Variants in PLEKHN1 observed in about 807,000 individuals in gnomAD.
PLEKHN1 encodes pleckstrin homology domain containing N1.
PLEKHN1 carries 68 observed loss-of-function variants against 72.8 expected under a neutral mutation model. The observed-to-expected ratio is 0.93, with a 90% CI of 0.77 to 1.14. The LOEUF (loss-of-function observed/expected upper bound fraction) is 1.14, where lower values mean the gene tolerates loss of function less well. Among genes scored for constraint, PLEKHN1 ranks in the 50% most tolerant of loss-of-function variants. The pLI, the probability that PLEKHN1 is intolerant of heterozygous loss-of-function variation, is 0.00. For synonymous variants in PLEKHN1, 454 were observed against 371.6 expected (o/e 1.22, Z -2.55); for missense variants, 1,015 against 840.5 (o/e 1.21, Z -2.57).
chr1:970,796 T>A lies in PLEKHN1; in HGVS notation c.484+38T>A. 1.9e-6 allele frequency: 3 copies of A among 1,612,724 alleles called. No individual in the cohort carries two copies. Among genetic ancestry groups the A allele is most frequent in the Non-Finnish European group, 2.5e-6 (3 of 1,179,928 alleles). On this transcript the variant is annotated intron_variant, in intron 5 of 15. Transcript: ENST00000379410. The surrounding 1 kb of genome is among the most constrained non-coding windows in gnomAD (Gnocchi z 4.2). ...CTTCCCGGGCCCCCAGAGGCACTCCTGACCCAGGACTTGGAGAGGGGCCTG... is the reference window on the plus strand; with the variant it reads ...CTTCCCGGGCCCCCAGAGGCACTCCAGACCCAGGACTTGGAGAGGGGCCTG...
chr1:973,709 C>G (rs534309825), intron 13 of PLEKHN1, 69 bp downstream of exon 13: 1 of 1,581,592 alleles, frequency 6.3e-7, no homozygotes, highest in Non-Finnish European at 8.6e-7. Flanking sequence ...AGGTCTAGAC[C>G]GTGCGTCTCA....
Position 970,662 on chromosome 1 carries a change from C to T in PLEKHN1, c.412-24C>T. 1.9e-6 allele frequency: 3 copies of T among 1,599,360 alleles called. No homozygotes were observed. Among genetic ancestry groups the T allele is most frequent in the African/African-American group, 1.3e-5 (1 of 74,900 alleles). ...CCCTTCCCTCCATGGATCCCTGAAG[C>T]TCCTCCTACCCTGTGCCTGGCAGGG... On this transcript the variant is annotated intron_variant, in intron 4 of 15. Coordinates refer to ENST00000379410, the MANE Select transcript of PLEKHN1 (RefSeq NM_032129.3). The surrounding 1 kb of genome is among the most constrained non-coding windows in gnomAD (Gnocchi z 4.2).
In PLEKHN1 at chr1:974,027, G is replaced by A. The variant is rs774107629; in HGVS notation, c.1629G>A (p.Pro543=). 8.0e-5 allele frequency: 127 copies of A among 1,594,478 alleles called. 1 individual carries two copies. The highest frequency in any genetic ancestry group is 5.5e-4 in the Admixed American group (32 of 57,938). Residue 543 remains proline, a synonymous_variant, in exon 14 of 16, where the codon CCG becomes CCA. Transcript: ENST00000379410. ...RHRGSAKDGG[P]QPPDAPQLVS... is the part of the protein sequence containing the mutation. ...GGGGCTCAGCCAAGGATGGGGGGCC[G>A]CAGCCCCCAGACGCCCCTCAGCTTG...
chr1:971,008 T>C lies in PLEKHN1; in HGVS notation c.612+2T>C. On this transcript the variant is annotated splice_donor_variant, in intron 6 of 15. Coordinates refer to ENST00000379410, the MANE Select transcript of PLEKHN1 (RefSeq NM_032129.3). LOFTEE classifies it high-confidence loss of function. Reference sequence around the variant, plus strand: ...CGCTGCCACTCGGCACCCCCACAGGTCAGTGCCGGGGACCCCACCCCCCTC... The same window carrying C: ...CGCTGCCACTCGGCACCCCCACAGGCCAGTGCCGGGGACCCCACCCCCCTC... 2 of 1,600,812 alleles carry C rather than the reference T, an allele frequency of 1.2e-6. No individual in the cohort carries two copies. Among genetic ancestry groups the C allele is most frequent in the Non-Finnish European group, 1.7e-6 (2 of 1,174,368 alleles).
Position 966,743 on chromosome 1 carries a change from C to T in PLEKHN1, c.123C>T (p.Pro41=), listed in dbSNP as rs1016210250. Residue 41 remains proline (P), a synonymous_variant, in exon 2 of 16, where the codon CCC becomes CCT. Coordinates refer to ENST00000379410, the MANE Select transcript of PLEKHN1 (RefSeq NM_032129.3). The stretch of plus-strand genomic sequence containing the variant: ...GGATGTCGGCCGGCCTGCCGGGCCC[C>T]GAGGCTGCTCGAAGCGGGGACGCCG... ...SARMSAGLPG[P]EAARSGDAAA... is the part of the protein sequence containing the mutation. 7.6e-6 allele frequency: 12 copies of T among 1,574,886 alleles called. No homozygotes were observed. The Admixed American group carries it at 9.1e-5, about 12-fold the overall frequency.
rs1178989138 is a variant in PLEKHN1, at chr1:975,154, G to A, written c.*579G>A. On this transcript the variant is annotated 3_prime_UTR_variant, in exon 16 of 16. Transcript: ENST00000379410. ...AGAGAGAAAAGAAGAGAAGAGAGAA[G>A]AGAAGAGAAGGAAAGAGAGAGAGAG... 6.6e-6 allele frequency: 1 copy of A among 152,180 alleles called. No homozygotes were observed. The highest frequency in any genetic ancestry group is 1.5e-5 in the Non-Finnish European group (1 of 68,252). The allele number at this position is 152,180 out of a possible 1,614,324, so 9.4% of individuals were successfully genotyped here.
chr1:974,714 CGTCCCT>C lies in PLEKHN1; in HGVS notation c.*140_*145del. On this transcript the variant is annotated 3_prime_UTR_variant, in exon 16 of 16. Coordinates refer to ENST00000379410, the MANE Select transcript of PLEKHN1 (RefSeq NM_032129.3). The stretch of plus-strand genomic sequence containing the variant: ...TCTCTGGGGCCCTGAGTTCAGAGCC[CGTCCCT>C]CAGCTCCTGTTCCTTGGTGCCAGCA... 9.6e-7 allele frequency: 1 copy of C among 1,041,662 alleles called. No homozygotes were observed. Among genetic ancestry groups the C allele is most frequent in the Non-Finnish European group, 1.3e-6 (1 of 749,520 alleles). 64.5% of individuals were successfully genotyped at this position (1,041,662 alleles called of 1,614,324 possible).
intron 11 of PLEKHN1, 44 bp from the exon 12 acceptor site, chr1:973,142 G>A: frequency 1.4e-5 from 21 of 1,497,690 alleles, no homozygotes; most frequent in Non-Finnish European, 1.9e-5. Flanking sequence ...TTGCACGGGA[G>A]AGGGGCCAAA....
chr1:969,023 C>T (rs975405071), intron 2 of PLEKHN1, among the ~76,000 whole-genome samples: 15 of 152,160 alleles, frequency 9.9e-5, no homozygotes, highest in African/African-American at 3.4e-4. Flanking sequence ...AAATGGGCAA[C>T]GGTGAGGACA....
chr1:975,831 AAC>A lies in PLEKHN1; in HGVS notation c.*1258_*1259del, dbSNP rs1305742092. The A allele has an allele frequency of 5.8e-5, 16 of 274,652 alleles. No individual in the cohort carries two copies. The East Asian group carries it at 1.1e-3, about 19-fold the overall frequency. 17.0% of individuals were successfully genotyped at this position (274,652 alleles called of 1,614,324 possible). On this transcript the variant is annotated 3_prime_UTR_variant, in exon 16 of 16. Coordinates refer to ENST00000379410, the MANE Select transcript of PLEKHN1 (RefSeq NM_032129.3). ...GTGCGGTTGCATTTGATTTCAGATA[AAC>A]AACAACTTCTTAGTAAAATGACCTC... is the stretch of plus-strand genomic sequence containing the variant.
rs1482703527 is a variant in PLEKHN1, at chr1:973,420, C to G, written c.1294-80C>G. 1.1e-5 allele frequency: 17 copies of G among 1,574,764 alleles called. No homozygotes were observed. The Admixed American group carries it at 2.8e-4, about 26-fold the overall frequency. ...TGGGCCCAGTTGTCCTGGAGCCACC[C>G]AGAGGCCTCTTGCACAGAGAAGGGG... On this transcript the variant is annotated intron_variant, in intron 12 of 15. Coordinates refer to ENST00000379410, the MANE Select transcript of PLEKHN1 (RefSeq NM_032129.3).
In PLEKHN1 at chr1:974,756, G is replaced by T. The variant is rs1011936257; in HGVS notation, c.*181G>T. On this transcript the variant is annotated 3_prime_UTR_variant, in exon 16 of 16. Coordinates refer to ENST00000379410, the MANE Select transcript of PLEKHN1 (RefSeq NM_032129.3). Reference sequence around the variant, plus strand: ...TCCTTGGTGCCAGCAGCTGGGGCAGGGAAGGGTGGGAGGGGCCCCATCCAA... The same window carrying T: ...TCCTTGGTGCCAGCAGCTGGGGCAGTGAAGGGTGGGAGGGGCCCCATCCAA... The T allele has an allele frequency of 6.3e-5, 52 of 829,510 alleles. No homozygotes were observed. The African/African-American group carries it at 7.2e-4, about 12-fold the overall frequency. The allele number at this position is 829,510 out of a possible 1,614,324, so 51.4% of individuals were successfully genotyped here.
rs555848153 is a variant in PLEKHN1 at position 974,925 on chromosome 1, CAG to C, written c.*354_*355del. ...CAGCACGGGCGTGAAGGTCGGAGGA[CAG>C]AGAAAGGTCAGCAGGGTCAGAGTAT... On this transcript the variant is annotated 3_prime_UTR_variant, in exon 16 of 16. Coordinates refer to ENST00000379410, the MANE Select transcript of PLEKHN1 (RefSeq NM_032129.3). 243 of 311,890 alleles carry C rather than the reference CAG, an allele frequency of 7.8e-4. No homozygotes were observed. The highest frequency in any genetic ancestry group is 4.9e-3 in the African/African-American group (234 of 47,274). The allele number at this position is 311,890 out of a possible 1,614,324, so 19.3% of individuals were successfully genotyped here.
chr1:966,854 C>G (rs781683769), intron 2 of PLEKHN1, 51 bp downstream of exon 2: 8 of 1,502,726 alleles, frequency 5.3e-6, no homozygotes, highest in Non-Finnish European at 6.2e-6. Context: ...GCTCTGCCCG[C>G]GCGTGTGTGC....
At chr1:969,864 C>T (rs564136947) in intron 2 of PLEKHN1, among the ~76,000 whole-genome samples, 193 of 151,264 alleles carry the variant, frequency 1.3e-3, no homozygotes, top group African/African-American at 4.2e-3. Context: ...GGTGTGTGTG[C>T]GTGTACGTGT....
Position 971,315 on chromosome 1 carries a change from C to A in PLEKHN1, c.709-9C>A, listed in dbSNP as rs1313201218. The A allele has an allele frequency of 3.2e-6, 5 of 1,567,112 alleles. No homozygotes were observed. Among genetic ancestry groups the A allele is most frequent in the Non-Finnish European group, 4.3e-6 (5 of 1,156,176 alleles). The stretch of plus-strand genomic sequence containing the variant: ...CCCTCATCGCCTGACCCCACCCCCA[C>A]CCACCCAGGAGCAGTGGGACCGGCT... On this transcript the variant is annotated splice_polypyrimidine_tract_variant and intron_variant, in intron 7 of 15. Coordinates refer to ENST00000379410, the MANE Select transcript of PLEKHN1 (RefSeq NM_032129.3).
rs775642387 is a variant in PLEKHN1, at chr1:973,655, G to A, written c.1434+15G>A. 8 of 1,610,712 alleles carry A rather than the reference G, an allele frequency of 5.0e-6. No individual in the cohort carries two copies. The highest frequency in any genetic ancestry group is 3.3e-5 in the South Asian group (3 of 91,004). ...GCCTGGAGGAGGTCAGGCCCCTGCT[G>A]GGTGACAGAAAGGGTGGGAGGTGCC... is the stretch of plus-strand genomic sequence containing the variant. On this transcript the variant is annotated intron_variant, in intron 13 of 15. Coordinates refer to ENST00000379410, the MANE Select transcript of PLEKHN1 (RefSeq NM_032129.3).
Position 970,801 on chromosome 1 carries a change from C to T in PLEKHN1, c.484+43C>T. On this transcript the variant is annotated intron_variant, in intron 5 of 15. Coordinates refer to ENST00000379410, the MANE Select transcript of PLEKHN1 (RefSeq NM_032129.3). This position sits in a 1 kb window ranked among gnomAD's most constrained non-coding sequence, Gnocchi z 4.2. ...CGGGCCCCCAGAGGCACTCCTGACC[C>T]AGGACTTGGAGAGGGGCCTGCCCTG... 6.2e-7 allele frequency: 1 copy of T among 1,612,694 alleles called. No homozygotes were observed. Among genetic ancestry groups the T allele is most frequent in the Non-Finnish European group, 8.5e-7 (1 of 1,179,940 alleles).
intron 10 of PLEKHN1, 79 bp downstream of exon 10, chr1:972,503 C>A (rs182732745): frequency 4.2e-6 from 6 of 1,433,778 alleles, no homozygotes; most frequent in Non-Finnish European, 5.5e-6. Context: ...TGGTGGCGCA[C>A]GCCTGTAATC....
Sources: gnomAD v4.1 joint callset for allele counts (sites outside exome capture counted in the v4.1 genomes callset) on GRCh38, gnomAD v4.1.1 for gene constraint, Gnocchi (gnomAD v3.1) non-coding constraint, MANE v1.5 for transcripts, NCBI Gene and HGNC (gene_info 2026-07-23, HGNC 2026-07-21) for gene names.